The following PASD1 variants were observed in gnomAD, a reference collection of about 807,000 sequenced individuals.
The protein encoded by PASD1 is circadian clock protein PASD1.
In PASD1, 13 loss-of-function variants were observed where a neutral mutation model predicts 58.8. The ratio of observed to expected loss-of-function variants is 0.22; its 90% CI spans 0.14 to 0.35. PASD1 has a LOEUF of 0.35. Among genes scored for constraint, PASD1 ranks in the 10% least tolerant of loss-of-function variants. PASD1 has a pLI of 1.00. For missense variants in PASD1, 734 were observed against 568.3 expected, an observed-to-expected ratio of 1.29 and a Z score of -2.96; for synonymous variants, 236 against 216.7, an observed-to-expected ratio of 1.09 and a Z score of -0.78.
In PASD1 at chrX:151,563,842, G is replaced by C. The variant is rs1302486628; in HGVS notation, c.-28+3G>C. 1 of 112,299 alleles carries C rather than the reference G, an allele frequency of 8.9e-6. No homozygotes were observed. The highest frequency in any genetic ancestry group is 1.9e-5 in the Non-Finnish European group (1 of 53,178). 9.3% of individuals were successfully genotyped at this position (112,299 alleles called of 1,213,427 possible). A position where few individuals can be genotyped will look rare whatever the true frequency, so the allele number is the denominator to read the frequency against. On this transcript the variant is annotated splice_donor_region_variant and intron_variant, in intron 1 of 15. Coordinates refer to ENST00000370357, the MANE Select transcript of PASD1 (RefSeq NM_173493.3). ...CAGCAGTGAAGAGTTCCACAAGGGT[G>C]AGTGAAGTCCGTTAATGAAAGCTAC...
intron 15 of PASD1, among the ~76,000 whole-genome samples, chrX:151,675,178 G>T (rs990501807): frequency 5.3e-5 from 6 of 112,153 alleles, no homozygotes; most frequent in African/African-American, 1.6e-4. Context: ...AGTGGGAAAG[G>T]TCAGATTCTG....
intron 1 of PASD1, among the ~76,000 whole-genome samples, chrX:151,577,947 C>T (rs1239131894): frequency 8.9e-6 from 1 of 112,074 alleles, no homozygotes; most frequent in African/African-American, 3.2e-5. Flanking sequence ...CTGCTATTAC[C>T]ACATTCATCT....
intron 8 of PASD1, among the ~76,000 whole-genome samples, chrX:151,636,735 C>G (rs2013935553): frequency 8.9e-6 from 1 of 111,782 alleles, no homozygotes; most frequent in Admixed American, 9.5e-5. Flanking sequence ...ATTTCTTAAA[C>G]AATCTATCTG....
intron 4 of PASD1, among the ~76,000 whole-genome samples, chrX:151,616,939 A>G (rs1387964161): frequency 1.8e-5 from 2 of 111,353 alleles, no homozygotes; most frequent in Non-Finnish European, 3.8e-5. Context: ...TAGTTTTCTA[A>G]TGCATGTATA....
chrX:151,655,336 C>T, intron 9 of PASD1, among the ~76,000 whole-genome samples: 1 of 108,572 alleles, frequency 9.2e-6, no homozygotes, highest in Non-Finnish European at 1.9e-5. Context: ...GTCTTTATAG[C>T]AGCATGATTT....
intron 3 of PASD1, among the ~76,000 whole-genome samples, chrX:151,606,697 A>G (rs2013493267): frequency 9.1e-6 from 1 of 110,178 alleles, no homozygotes; most frequent in South Asian, 4.0e-4. Flanking sequence ...TCTCACTTAC[A>G]CTCCAGCCCA....
chrX:151,588,821 A>G (rs1398801641), intron 1 of PASD1, among the ~76,000 whole-genome samples: 1 of 112,033 alleles, frequency 8.9e-6, no homozygotes, highest in Non-Finnish European at 1.9e-5. Context: ...ATTACTGCTA[A>G]CATTTGCAAC....
In PASD1 at chrX:151,571,227, C is replaced by G. The variant is rs1285734309; in HGVS notation, c.-28+7388C>G. Among the ~76,000 whole-genome samples, 4 of 112,130 alleles carry G rather than the reference C, an allele frequency of 3.6e-5. No individual in the cohort carries two copies. In the Admixed American group the frequency reaches 3.8e-4, roughly 11 times the overall value. On this transcript the variant is annotated intron_variant, in intron 1 of 15. Coordinates refer to ENST00000370357, the MANE Select transcript of PASD1 (RefSeq NM_173493.3). ...TATTAAAATGGAACAAATTGAGGTG[C>G]CATAGAGTTCTGGAGTGCTGAAATT...
At chrX:151,577,043 G>A (rs755423229) in intron 1 of PASD1, among the ~76,000 whole-genome samples, 6 of 111,725 alleles carry the variant, frequency 5.4e-5, no homozygotes, top group Admixed American at 9.5e-5. Flanking sequence ...AATTACATGA[G>A]ACAGCCCAGT....
chrX:151,617,689 T>G (rs1281515481), intron 4 of PASD1, among the ~76,000 whole-genome samples: 1 of 111,954 alleles, frequency 8.9e-6, no homozygotes, highest in Non-Finnish European at 1.9e-5. Context: ...CAGGAACTGG[T>G]CCAGTAGCAA....
At chrX:151,652,951 A>C (rs893088533) in intron 9 of PASD1, among the ~76,000 whole-genome samples, 8 of 110,472 alleles carry the variant, frequency 7.2e-5, no homozygotes, top group African/African-American at 2.6e-4. Context: ...GAAATGGAGA[A>C]TGATTAGAGA....
chrX:151,645,292 C>T (rs972412017), intron 8 of PASD1, among the ~76,000 whole-genome samples: 1 of 112,021 alleles, frequency 8.9e-6, no homozygotes, highest in African/African-American at 3.2e-5. Context: ...TATATTTTTA[C>T]TGTCATCAGT....
Position 151,620,939 on chromosome X carries a change from G to T in PASD1, c.217G>T (p.Val73Leu). Reference sequence around the variant, plus strand: ...TCTCCTCTCCTGCCAGGCTGAGATTGTGGGCAAAAAATTATTAAGCCTTCT... The same window carrying T: ...TCTCCTCTCCTGCCAGGCTGAGATTTTGGGCAAAAAATTATTAAGCCTTCT... ...SLLGHLPAEIVGKKLLSLLPD... is the reference protein window; with the variant it reads ...SLLGHLPAEILGKKLLSLLPD... Residue 73 changes from valine to leucine, a missense_variant, in exon 5 of 16, where the codon GTG becomes TTG. Val to Leu is a conservative substitution (Grantham distance 32, BLOSUM62 1). Transcript: ENST00000370357. The T allele has an allele frequency of 1.7e-6, 2 of 1,204,950 alleles. No homozygotes were observed. Among genetic ancestry groups the T allele is most frequent in the Non-Finnish European group, 2.2e-6 (2 of 891,337 alleles).
chrX:151,564,833 G>A (rs774005844), intron 1 of PASD1, among the ~76,000 whole-genome samples: 7 of 111,185 alleles, frequency 6.3e-5, no homozygotes, highest in Non-Finnish European at 1.3e-4. Context: ...AATGAACCAC[G>A]GCACCCCAGC....
At chrX:151,674,417 C>G (rs1042069391) in intron 15 of PASD1, among the ~76,000 whole-genome samples, 4 of 112,654 alleles carry the variant, frequency 3.6e-5, no homozygotes, top group Non-Finnish European at 7.5e-5. Context: ...TAGACGCAAT[C>G]TGACTGAAAC....
chrX:151,671,225 G>A, intron 12 of PASD1, 29 bp downstream of exon 12: 1 of 1,203,352 alleles, frequency 8.3e-7, no homozygotes, highest in Non-Finnish European at 1.1e-6. Context: ...TTTCAGGTCA[G>A]AGACCAGTTC....
Position 151,663,790 on chromosome X carries a change from A to G in PASD1, c.842-329A>G, listed in dbSNP as rs763222406. On this transcript the variant is annotated intron_variant, in intron 10 of 15. Transcript: ENST00000370357. ...GATTGTGCAGAAGTGATTTATGACT[A>G]GATTTTATTTGGTTTTATCGGTTGG... is the stretch of plus-strand genomic sequence containing the variant. 8.0e-5 allele frequency among the ~76,000 whole-genome samples: 9 copies of G among 111,888 alleles called. No homozygotes were observed. The South Asian group carries it at 3.4e-3, about 43-fold the overall frequency.
chrX:151,645,196 A>G (rs775218944), intron 8 of PASD1, among the ~76,000 whole-genome samples: 3 of 111,715 alleles, frequency 2.7e-5, no homozygotes, highest in Non-Finnish European at 5.6e-5. Flanking sequence ...CCTGCAACCA[A>G]GAAGGGAAAT....
chrX:151,649,191 A>G lies in PASD1; in HGVS notation c.717+489A>G, dbSNP rs774800545. Among the ~76,000 whole-genome samples the G allele has an allele frequency of 7.1e-5, 8 of 112,279 alleles. No individual in the cohort carries two copies. In the East Asian group the frequency reaches 2.3e-3, roughly 32 times the overall value. On this transcript the variant is annotated intron_variant, in intron 9 of 15. Transcript: ENST00000370357. ...ATCTGATGAAACTCTAGACTGGGAC[A>G]TAAAACCAAACTGCAAGGAGAGAGG...
Sources: gnomAD v4.1 joint callset for allele counts (sites outside exome capture counted in the v4.1 genomes callset) on GRCh38, gnomAD v4.1.1 for gene constraint, MANE v1.5 for transcripts, NCBI Gene and HGNC (gene_info 2026-07-23, HGNC 2026-07-21) for gene names.